Variants in RIC1 observed in about 807,000 individuals in gnomAD.
RIC1 encodes the protein guanine nucleotide exchange factor subunit RIC1.
In RIC1, 88 loss-of-function variants were observed where a neutral mutation model predicts 169.0. That is an observed-to-expected ratio of 0.52 (90% CI 0.44 to 0.62). RIC1 has a LOEUF of 0.62. Ranked by LOEUF, RIC1 falls within the 20% of genes least tolerant of loss-of-function variation. The probability of loss-of-function intolerance (pLI) is 0.00; values close to 1 mark genes in which losing one functional copy is unlikely to be tolerated. For missense variants in RIC1, 1,877 were observed against 1,725.5 expected, an observed-to-expected ratio of 1.09 and a Z score of -1.56; for synonymous variants, 790 against 601.5, an observed-to-expected ratio of 1.31 and a Z score of -4.59.
rs78559109 is a variant in RIC1 at position 5,742,391 on chromosome 9, T to A, written c.902-478T>A. Among the ~76,000 whole-genome samples the A allele has an allele frequency of 8.3e-3, 1,269 of 152,268 alleles. 13 individuals are homozygous for A. The highest frequency in any genetic ancestry group is 0.01 in the Non-Finnish European group (703 of 67,994). ...TTAAGTATTCTATTCACCATCTTAG[T>A]TTTTTCAGTGTGGAAGTCATTCAGG... On this transcript the variant is annotated intron_variant, in intron 8 of 25. Transcript: ENST00000414202.
At chr9:5,673,555 T>TATATATATATATATATATATATATATAA (rs1233980958) in intron 2 of RIC1, among the ~76,000 whole-genome samples, 3 of 144,390 alleles carry the variant, frequency 2.1e-5, no homozygotes, top group Admixed American at 6.8e-5. Context: ...TATATATATA[T>TATATATATATATATATATATATATATAA]ATAAATAAAT....
intron 23 of RIC1, among the ~76,000 whole-genome samples, chr9:5,770,544 A>G (rs960418024): frequency 4.6e-5 from 7 of 152,232 alleles, no homozygotes; most frequent in African/African-American, 1.7e-4. Context: ...ATAAGGAAAC[A>G]CTAACTTTGA....
intron 7 of RIC1, among the ~76,000 whole-genome samples, chr9:5,732,928 A>G (rs1563934832): frequency 6.6e-6 from 1 of 152,148 alleles, no homozygotes; most frequent in Non-Finnish European, 1.5e-5. Flanking sequence ...TATTAAATAG[A>G]GATTTTAGAA....
rs1826442917 is a variant in RIC1, at chr9:5,763,053, G to C, written c.2113-87G>C. 1 of 1,455,754 alleles carries C rather than the reference G, an allele frequency of 6.9e-7. No individual in the cohort carries two copies. The highest frequency in any genetic ancestry group is 9.2e-7 in the Non-Finnish European group (1 of 1,083,594). 90.2% of individuals were successfully genotyped at this position (1,455,754 alleles called of 1,614,324 possible). ...CCAAAAAAATATTATACTATCATTT[G>C]AAAGACTTAGTAAACTAGTACCTAG... is the stretch of plus-strand genomic sequence containing the variant. On this transcript the variant is annotated intron_variant, in intron 18 of 25. Coordinates refer to ENST00000414202, the MANE Select transcript of RIC1 (RefSeq NM_020829.4). This position sits in a 1 kb window ranked among gnomAD's most constrained non-coding sequence, Gnocchi z 5.2.
intron 11 of RIC1, among the ~76,000 whole-genome samples, chr9:5,746,932 C>T (rs1457254229): frequency 6.6e-6 from 1 of 152,114 alleles, no homozygotes. Flanking sequence ...CCTCCCCTTC[C>T]CCATCCCAAA....
At position 5,754,929 on chromosome 9, in the gene RIC1, A is replaced by G; in HGVS notation, c.1691A>G (p.Glu564Gly). Residue 564 changes from glutamate to glycine, a missense_variant and splice_region_variant, in exon 15 of 26, where the codon GAG becomes GGG. Transcript: ENST00000414202. ...ACYNINDRQE[E>G]LRVYLRTSNL... ...TATAACATAAATGACCGTCAAGAAG[A>G]GGTAAGTTTTTTCTCTCAGAAATAA... 6.6e-7 allele frequency: 1 copy of G among 1,520,992 alleles called. No homozygotes were observed. 94.2% of individuals were successfully genotyped at this position (1,520,992 alleles called of 1,614,324 possible). A position where few individuals can be genotyped will look rare whatever the true frequency, so the allele number is the denominator to read the frequency against.
At chr9:5,713,712 C>T (rs765284455) in intron 3 of RIC1, 184 bp from the exon 4 acceptor site, 2 of 376,686 alleles carry the variant, frequency 5.3e-6, no homozygotes, top group Non-Finnish European at 9.7e-6. Context: ...ACATTTATTT[C>T]CAATTGATAA....
intron 7 of RIC1, 37 bp downstream of exon 7, chr9:5,732,516 GT>G (rs774235342): frequency 7.0e-7 from 1 of 1,419,938 alleles, no homozygotes; most frequent in Middle Eastern, 1.8e-4. Context: ...TTTAAGAGTT[GT>G]TGCAAAAAAT....
In RIC1 at chr9:5,689,806, G is replaced by T. The variant is rs150850746; in HGVS notation, c.253-153G>T. On this transcript the variant is annotated intron_variant, in intron 2 of 25. Transcript: ENST00000414202. ...TTTTCAACATGGGTTATATTAAAAA[G>T]TCGCTTCTATTTGCATAATTAGGCT... 1.1e-4 allele frequency among the ~76,000 whole-genome samples: 16 copies of T among 152,192 alleles called. No homozygotes were observed. In the East Asian group the frequency reaches 3.1e-3, roughly 29 times the overall value.
rs1245232039 is a variant in RIC1, at chr9:5,720,223, A to T, written c.482A>T (p.Asp161Val). 1 of 1,613,056 alleles carries T rather than the reference A, an allele frequency of 6.2e-7. No homozygotes were observed. The highest frequency in any genetic ancestry group is 8.5e-7 in the Non-Finnish European group (1 of 1,179,054). ...GAAGATCTCCTGGTTGCTACTTCTG[A>T]TGGACTTCTTCATCTTATTCACTGG... ...VLEDLLVATS[D>V]GLLHLIHWEG... Residue 161 changes from aspartate (D) to valine (V), a missense_variant, in exon 5 of 26, where the codon GAT becomes GTT. This residue lies in a region of RIC1 where 1,104 missense variants were observed against 992.0 expected (regional missense o/e 1.11). Transcript: ENST00000414202.
chr9:5,769,046 G>C lies in RIC1; in HGVS notation c.3214G>C (p.Glu1072Gln). The change falls in exon 22 of 26, where the codon GAA (glutamate) becomes CAA (glutamine). Residue 1072 changes from glutamate (E) to glutamine (Q), a missense_variant. Glu to Gln is a conservative substitution (Grantham distance 29). This residue lies in a region of RIC1 where 681 missense variants were observed against 582.0 expected (regional missense o/e 1.17). Transcript: ENST00000414202. ...CTGGAGACATGCTCGGCGCCTCTTA[G>C]AAGATGTGAGGTTAAAGGACCTTGG... ...MLWRHARRLL[E>Q]DVRLKDLGCF... 6.2e-7 allele frequency: 1 copy of C among 1,614,098 alleles called. No homozygotes were observed. The highest frequency in any genetic ancestry group is 8.5e-7 in the Non-Finnish European group (1 of 1,179,980).
At chr9:5,749,133 C>G (rs1333407980) in intron 12 of RIC1, among the ~76,000 whole-genome samples, 2 of 152,166 alleles carry the variant, frequency 1.3e-5, no homozygotes, top group African/African-American at 2.4e-5. Context: ...CCAGTTCACC[C>G]AGCAGAGTAG....
At chr9:5,726,998 A>T (rs1824035920) in intron 6 of RIC1, among the ~76,000 whole-genome samples, 1 of 151,910 alleles carries the variant, frequency 6.6e-6, no homozygotes, top group African/African-American at 2.4e-5. Context: ...TTTTTCCTTC[A>T]TTTCAACTTT....
intron 23 of RIC1, among the ~76,000 whole-genome samples, chr9:5,772,039 A>G (rs996557133): frequency 1.3e-5 from 2 of 152,202 alleles, no homozygotes; most frequent in African/African-American, 4.8e-5. Flanking sequence ...TCAGATTTCT[A>G]ATTGTTTCAT....
rs147449882 is a variant in RIC1, at chr9:5,634,395, A to G, written c.144+4942A>G. Among the ~76,000 whole-genome samples, 268 of 152,248 alleles carry G rather than the reference A, an allele frequency of 1.8e-3. 1 individual carries two copies. Among genetic ancestry groups the G allele is most frequent in the Admixed American group, 3.7e-3 (57 of 15,292 alleles). On this transcript the variant is annotated intron_variant, in intron 1 of 25. Transcript: ENST00000414202. The stretch of plus-strand genomic sequence containing the variant: ...TCTCCACGTCTTTGCCGACCTTGTT[A>G]TGATTTAACTTCTTGATAATAGATA...
rs745688284 is a variant in RIC1 at position 5,763,187 on chromosome 9, C to G, written c.2160C>G (p.Val720=). The change falls in exon 19 of 26, where the codon GTC becomes GTG. Residue 720 remains valine (V), a synonymous_variant. Coordinates refer to ENST00000414202, the MANE Select transcript of RIC1 (RefSeq NM_020829.4). The surrounding 1 kb of genome is among the most constrained non-coding windows in gnomAD (Gnocchi z 5.2). The part of the protein sequence containing the change: ...PVVLAQSVEN[V]WTTCRANKQK... ...TACTAGCCCAGTCTGTTGAAAATGT[C>G]TGGACAACGTGTCGAGCAAATAAAC... The G allele has an allele frequency of 2.5e-6, 4 of 1,614,098 alleles. No individual in the cohort carries two copies. The East Asian group carries it at 8.9e-5, about 36-fold the overall frequency.
chr9:5,630,378 G>A (rs1817662209), intron 1 of RIC1, among the ~76,000 whole-genome samples: 1 of 152,208 alleles, frequency 6.6e-6, no homozygotes, highest in African/African-American at 2.4e-5. Context: ...TCAGAGTGAA[G>A]TTTTTCTCCT....
intron 17 of RIC1, among the ~76,000 whole-genome samples, chr9:5,759,229 A>C (rs13298384): frequency 0.015 from 2,319 of 152,360 alleles, 24 homozygotes; most frequent in Non-Finnish European, 0.024. Flanking sequence ...GTCCTGAGGA[A>C]CTAATCAGTC....
chr9:5,728,244 T>C (rs1824126573), intron 6 of RIC1, among the ~76,000 whole-genome samples: 1 of 152,244 alleles, frequency 6.6e-6, no homozygotes, highest in Admixed American at 6.5e-5. Flanking sequence ...TTAGCAATGG[T>C]AGACACCCCT....
Sources: allele counts gnomAD v4.1 joint callset (sites outside exome capture counted in the v4.1 genomes callset), GRCh38; gene constraint gnomAD v4.1.1; regional missense constraint gnomAD v4.1.1; non-coding constraint Gnocchi (gnomAD v3.1); transcripts MANE v1.5; gene names NCBI Gene and HGNC (gene_info 2026-07-23, HGNC 2026-07-21).